The following NBPF9 variants were observed in gnomAD, a reference collection of about 807,000 sequenced individuals.
The protein encoded by NBPF9 is NBPF family member NBPF9.
A neutral mutation model predicts 97.8 loss-of-function variants in NBPF9; 91 were observed. That is an observed-to-expected ratio of 0.93 (90% CI 0.79 to 1.11). NBPF9 has a LOEUF of 1.11. Among genes scored for constraint, NBPF9 ranks in the 50% least tolerant of loss-of-function variants. The pLI is 0.00. For missense variants in NBPF9, 992 were observed against 939.5 expected (o/e 1.06, Z -0.73); for synonymous variants, 334 against 359.5 (o/e 0.93, Z 0.80).
At position 149,076,511 on chromosome 1, in the gene NBPF9, T is replaced by A. The variant is rs868956918; in HGVS notation, c.779-647A>T. Among the ~76,000 whole-genome samples the A allele has an allele frequency of 5.9e-4, 89 of 149,584 alleles. 1 individual carries two copies. The highest frequency in any genetic ancestry group is 5.4e-3 in the Admixed American group (80 of 14,950). ...GCCCCTGGTCAGAGACTTTATTTTT[T>A]TTTTTTTTTGAGATGGAGTCTCGCT... is the stretch of plus-strand genomic sequence containing the variant. On this transcript the variant is annotated intron_variant, in intron 11 of 29. Transcript: ENST00000584027.
chr1:149,086,337 A>G (rs2080999713), intron 5 of NBPF9, among the ~76,000 whole-genome samples: 1 of 151,510 alleles, frequency 6.6e-6, no homozygotes, highest in Non-Finnish European at 1.5e-5. Flanking sequence ...ACAAAAGCCC[A>G]CCAAGAGTTT....
In NBPF9 at chr1:149,079,159, C is replaced by T. The variant is rs1348378879; in HGVS notation, c.341G>A (p.Arg114Gln). The change falls in exon 9 of 30, where the codon CGG becomes CAG. Residue 114 changes from arginine (R) to glutamine (Q), a missense_variant. By Grantham distance (43) the Arg-to-Gln change is conservative. Transcript: ENST00000584027. ...TGAGCGGGAGGCATCTCTCCCTTCC[C>T]GTAACTTCTCCTTTAACTGCGTCAG... 4.8e-4 allele frequency: 619 copies of T among 1,292,162 alleles called. 10 individuals carry two copies. The East Asian group carries it at 0.012, about 26-fold the overall frequency. The allele number at this position is 1,292,162 out of a possible 1,614,324, so 80.0% of individuals were successfully genotyped here.
exon 6 of NBPF9, chr1:149,082,305 G>C: frequency 6.4e-7 from 1 of 1,552,288 alleles, no homozygotes; most frequent in Non-Finnish European, 8.7e-7. Flanking sequence ...CACTCCCACA[G>C]CACTTTAGGA....
chr1:149,089,766 A>G (rs2081295549), intron 5 of NBPF9, among the ~76,000 whole-genome samples: 3 of 152,308 alleles, frequency 2.0e-5, no homozygotes, highest in Non-Finnish European at 4.4e-5. Context: ...ATAAAGGGCT[A>G]GTTTATTTCA....
Position 149,073,749 on chromosome 1 carries a change from C to T in NBPF9, c.1091+19G>A, listed in dbSNP as rs1309408217. ...TTTACACACCTGCCCCCCTGCCTGC[C>T]CCCATGGGGTCCCCTCACCTGAGCT... On this transcript the variant is annotated intron_variant, in intron 13 of 29. Coordinates refer to ENST00000584027, the Ensembl canonical transcript of NBPF9. The T allele has an allele frequency of 2.2e-5, 34 of 1,579,356 alleles. 1 individual carries two copies. Among genetic ancestry groups the T allele is most frequent in the East Asian group, 1.4e-4 (6 of 43,548 alleles).
In NBPF9 at chr1:149,055,836, ACATC is replaced by A; in HGVS notation, c.3152_3155del (p.Gly1051ValfsTer43). The A allele has an allele frequency of 6.2e-7, 1 of 1,605,726 alleles. No individual in the cohort carries two copies. The highest frequency in any genetic ancestry group is 1.1e-5 in the South Asian group (1 of 90,004). ...CAAAGTACATTGACGGAGTAGAATA[ACATC>A]CATCCAGTGAGTCCTGCAAGACTTC... On this transcript the variant is annotated frameshift_variant, in exon 30 of 30. Coordinates refer to ENST00000584027, the Ensembl canonical transcript of NBPF9. LOFTEE classifies it low-confidence loss of function (END_TRUNC).
chr1:149,082,948 TTTTCTTTTC>T, intron 5 of NBPF9, among the ~76,000 whole-genome samples: 1 of 93,064 alleles, frequency 1.1e-5, no homozygotes, highest in Non-Finnish European at 2.1e-5. Flanking sequence ...CCTGGCTAAT[TTTTCTTTTC>T]TTTTTTTTTT....
At chr1:149,055,977 C>A in intron 29 of NBPF9, 78 bp from the exon 30 acceptor site, 2 of 1,610,438 alleles carry the variant, frequency 1.2e-6, no homozygotes, top group Non-Finnish European at 1.7e-6. Flanking sequence ...TCAGAAGTAA[C>A]ATAAGGAAGT....
At chr1:149,080,926 CAGACA>C (rs2080376715) in intron 7 of NBPF9, among the ~76,000 whole-genome samples, 1 of 151,654 alleles carries the variant, frequency 6.6e-6, no homozygotes, top group South Asian at 2.1e-4. Flanking sequence ...AACTGAGGGA[CAGACA>C]AGACAAGCAA....
At chr1:149,099,218 G>A (rs2081985899) in intron 3 of NBPF9, among the ~76,000 whole-genome samples, 1 of 152,194 alleles carries the variant, frequency 6.6e-6, no homozygotes, top group Non-Finnish European at 1.5e-5. Context: ...TCATCTACTG[G>A]TCTATCTGTA....
chr1:149,084,597 C>T (rs878879986), intron 5 of NBPF9, among the ~76,000 whole-genome samples: 5 of 150,882 alleles, frequency 3.3e-5, no homozygotes, highest in East Asian at 2.0e-4. Context: ...AGCAACGCAA[C>T]GGCCAGGTGG....
chr1:149,076,043 G>A lies in NBPF9; in HGVS notation c.779-179C>T, dbSNP rs1256959878. 3.9e-5 allele frequency among the ~76,000 whole-genome samples: 6 copies of A among 152,206 alleles called. No homozygotes were observed. The East Asian group carries it at 1.2e-3, about 29-fold the overall frequency. On this transcript the variant is annotated intron_variant, in intron 11 of 29. Coordinates refer to ENST00000584027, the Ensembl canonical transcript of NBPF9. Reference sequence around the variant, plus strand: ...CTTTAAGTCAACTTGTCTTAGCTATGCAGTCACCTTGAAACCAAGACATAA... The same window carrying A: ...CTTTAAGTCAACTTGTCTTAGCTATACAGTCACCTTGAAACCAAGACATAA...
At chr1:149,082,982 T>TTTG (rs1294613916) in intron 5 of NBPF9, among the ~76,000 whole-genome samples, 4 of 131,782 alleles carry the variant, frequency 3.0e-5, no homozygotes, top group Non-Finnish European at 6.5e-5. Flanking sequence ...TTTTTTTTTT[T>TTTG]GTATTTTTAG....
chr1:149,084,401 A>G (rs868910730), intron 5 of NBPF9, among the ~76,000 whole-genome samples: 1 of 147,668 alleles, frequency 6.8e-6, no homozygotes, highest in Non-Finnish European at 1.5e-5. Flanking sequence ...TACATAATAT[A>G]CAATATATAT....
intron 18 of NBPF9, chr1:149,064,695 G>T: frequency 4.9e-6 from 3 of 613,496 alleles, no homozygotes; most frequent in Non-Finnish European, 8.6e-6. Flanking sequence ...CCCTGTGTTG[G>T]AATGTTATCT....
intron 10 of NBPF9, 102 bp downstream of exon 10, chr1:149,077,781 G>A (rs1295522078): frequency 5.3e-6 from 8 of 1,518,004 alleles, no homozygotes; most frequent in Middle Eastern, 2.4e-4. Context: ...GTGGCCAAGG[G>A]GATGCGGGCT....
At chr1:149,101,180 A>T (rs1197628467) in intron 3 of NBPF9, 82 bp downstream of exon 3, 1 of 151,732 alleles carries the variant, frequency 6.6e-6, no homozygotes, top group Non-Finnish European at 1.5e-5. Flanking sequence ...CGAGCCTAGG[A>T]ATTCCAGACC....
intron 5 of NBPF9, among the ~76,000 whole-genome samples, chr1:149,088,133 T>C: frequency 6.6e-6 from 1 of 152,392 alleles, no homozygotes; most frequent in Non-Finnish European, 1.5e-5. Flanking sequence ...GCCCAGTCTG[T>C]TGAATTTATT....
intron 16 of NBPF9, among the ~76,000 whole-genome samples, chr1:149,070,293 C>T (rs1455893278): frequency 3.5e-5 from 5 of 142,926 alleles, no homozygotes; most frequent in South Asian, 4.6e-4. Flanking sequence ...TGTACTCCAG[C>T]CTGGGTGACA....
Sources: gnomAD v4.1 joint callset for allele counts (sites outside exome capture counted in the v4.1 genomes callset) on GRCh38, gnomAD v4.1.1 for gene constraint, MANE v1.5 for transcripts, NCBI Gene and HGNC (gene_info 2026-07-23, HGNC 2026-07-21) for gene names.